The following GRIP1 variants were observed in gnomAD, a reference collection of about 807,000 sequenced individuals.
The protein encoded by GRIP1 is glutamate receptor-interacting protein 1.
GRIP1 carries 45 observed loss-of-function variants against 129.9 expected under a neutral mutation model. That is an observed-to-expected ratio of 0.35 (90% CI 0.27 to 0.44). The LOEUF is 0.44. GRIP1 is among the 20% of genes least tolerant of loss of function. The pLI, the probability that GRIP1 is intolerant of heterozygous loss-of-function variation, is 1.00. For synonymous variants in GRIP1, 530 were observed against 520.8 expected (o/e 1.02, Z -0.24); for missense variants, 1,196 against 1,396.8 (o/e 0.86, Z 2.29).
chr12:67,008,697 CTGTG>C, intron 1 of GRIP1, among the ~76,000 whole-genome samples: 1 of 152,170 alleles, frequency 6.6e-6, no homozygotes, highest in Admixed American at 6.6e-5. Context: ...TTTTAAGGGA[CTGTG>C]TGATATACAG....
In GRIP1 at chr12:66,550,221, A is replaced by T. The variant is rs144536815; in HGVS notation, c.137-8271T>A. Among the ~76,000 whole-genome samples, 61 of 152,286 alleles carry T rather than the reference A, an allele frequency of 4.0e-4. 1 individual carries two copies. Among genetic ancestry groups the T allele is most frequent in the African/African-American group, 1.2e-3 (50 of 41,556 alleles). On this transcript the variant is annotated intron_variant, in intron 2 of 24. Transcript: ENST00000359742. ...TTTTCACGGGTCTTAGTTTCCTCACATCTAATTTAGGGATAATAATGGTAT... is the reference window on the plus strand; with the variant it reads ...TTTTCACGGGTCTTAGTTTCCTCACTTCTAATTTAGGGATAATAATGGTAT...
At chr12:67,051,070 C>T (rs996734040) in intron 1 of GRIP1, among the ~76,000 whole-genome samples, 1 of 152,096 alleles carries the variant, frequency 6.6e-6, no homozygotes, top group African/African-American at 2.4e-5. Context: ...AGAAGACATT[C>T]AAAGATGTTG....
At chr12:66,685,805 A>G (rs1185394236) in intron 1 of GRIP1, among the ~76,000 whole-genome samples, 1 of 152,086 alleles carries the variant, frequency 6.6e-6, no homozygotes, top group African/African-American at 2.4e-5. Context: ...ACTAATCACC[A>G]TCTAACACGC....
chr12:66,995,702 A>G (rs190521448), intron 1 of GRIP1, among the ~76,000 whole-genome samples: 42 of 152,280 alleles, frequency 2.8e-4, no homozygotes, highest in African/African-American at 9.4e-4. Flanking sequence ...TTGGACATGG[A>G]GAAACTTATA....
intron 4 of GRIP1, 94 bp from the exon 5 acceptor site, chr12:66,530,008 T>C: frequency 1.2e-6 from 1 of 813,898 alleles, no homozygotes; most frequent in South Asian, 1.4e-5. Flanking sequence ...CAGATCCCTG[T>C]TGCAAATAAG....
intron 1 of GRIP1, among the ~76,000 whole-genome samples, chr12:66,884,558 A>G (rs984693896): frequency 1.3e-5 from 2 of 152,332 alleles, no homozygotes; most frequent in East Asian, 1.9e-4. Flanking sequence ...ACTGACACCA[A>G]TTGGAAATGA....
chr12:66,451,514 C>T (rs1328660943), intron 11 of GRIP1, among the ~76,000 whole-genome samples: 1 of 148,232 alleles, frequency 6.7e-6, no homozygotes, highest in African/African-American at 2.5e-5. Context: ...AGCGATCCTT[C>T]CACCTCAGCC....
intron 1 of GRIP1, among the ~76,000 whole-genome samples, chr12:67,019,954 C>T (rs1032855675): frequency 2.6e-5 from 4 of 152,126 alleles, no homozygotes; most frequent in African/African-American, 9.7e-5. Context: ...CAAACATTAA[C>T]AACCATACTC....
intron 3 of GRIP1, among the ~76,000 whole-genome samples, 160 bp from the exon 4 acceptor site, chr12:66,539,383 G>A (rs1014842097): frequency 6.6e-6 from 1 of 152,094 alleles, no homozygotes; most frequent in Non-Finnish European, 1.5e-5. Context: ...GGGCCCTTAA[G>A]GGTAAGAGTA....
At chr12:66,464,015 G>A (rs1221975240) in intron 8 of GRIP1, among the ~76,000 whole-genome samples, 3 of 152,140 alleles carry the variant, frequency 2.0e-5, no homozygotes, top group Non-Finnish European at 2.9e-5. Context: ...TGACCACTAC[G>A]GGGGGTTGCT....
chr12:67,061,409 C>A (rs185521072), intron 1 of GRIP1, among the ~76,000 whole-genome samples: 1 of 152,138 alleles, frequency 6.6e-6, no homozygotes, highest in African/African-American at 2.4e-5. Flanking sequence ...TCAAGATGGT[C>A]GGTCTATACC....
rs1022397690 is a variant in GRIP1 at position 66,757,725 on chromosome 12, G to T, written c.-420+46328C>A. 5.3e-5 allele frequency among the ~76,000 whole-genome samples: 8 copies of T among 152,230 alleles called. No homozygotes were observed. In the East Asian group the frequency reaches 1.2e-3, roughly 22 times the overall value. ...CATATTCCCACAACAGTGTACGAAG[G>T]TTCCCTTTTCTCTACATCCTCATCA... On this transcript the variant is annotated intron_variant, in intron 1 of 4. Transcript: ENST00000538373.
At chr12:67,066,911 T>TACACAC (rs1555170056) in intron 1 of GRIP1, among the ~76,000 whole-genome samples, 1 of 140,604 alleles carries the variant, frequency 7.1e-6, no homozygotes, top group African/African-American at 2.7e-5. Context: ...TATATATATA[T>TACACAC]ACACACACAC....
At chr12:67,057,907 G>A (rs1327454933) in intron 1 of GRIP1, among the ~76,000 whole-genome samples, 6 of 152,162 alleles carry the variant, frequency 3.9e-5, no homozygotes, top group Non-Finnish European at 2.9e-5. Context: ...AAAATTATAC[G>A]TGTAAAAAGA....
At chr12:66,738,012 C>G (rs2036662324) in intron 1 of GRIP1, among the ~76,000 whole-genome samples, 1 of 152,066 alleles carries the variant, frequency 6.6e-6, no homozygotes, top group Non-Finnish European at 1.5e-5. Context: ...GGAGGGCAGA[C>G]AGAAGGGGGT....
At chr12:66,994,509 T>C (rs2042439297) in intron 1 of GRIP1, among the ~76,000 whole-genome samples, 1 of 150,936 alleles carries the variant, frequency 6.6e-6, no homozygotes, top group Non-Finnish European at 1.5e-5. Context: ...AGGACATCTA[T>C]GAAAAACTCA....
chr12:66,931,154 A>G (rs1360709800), intron 1 of GRIP1, among the ~76,000 whole-genome samples: 2 of 152,258 alleles, frequency 1.3e-5, no homozygotes, highest in Non-Finnish European at 2.9e-5. Flanking sequence ...GAAAAGCAAA[A>G]GGCTAAGAAT....
intron 1 of GRIP1, among the ~76,000 whole-genome samples, chr12:66,833,049 T>A (rs1027098257): frequency 3.9e-5 from 6 of 152,214 alleles, no homozygotes; most frequent in Admixed American, 2.0e-4. Context: ...TAGGGCAGAA[T>A]CTAATCCTAG....
At chr12:66,427,779 C>T (rs2137915360) in intron 14 of GRIP1, among the ~76,000 whole-genome samples, 1 of 152,216 alleles carries the variant, frequency 6.6e-6, no homozygotes, top group South Asian at 2.1e-4. Context: ...AAAGGCCACA[C>T]CTTAACATTC....
Sources: allele counts gnomAD v4.1 joint callset (sites outside exome capture counted in the v4.1 genomes callset), GRCh38; gene constraint gnomAD v4.1.1; transcripts MANE v1.5; gene names NCBI Gene and HGNC (gene_info 2026-07-23, HGNC 2026-07-21).